The following PTPRN2 variants were observed in gnomAD, a reference collection of about 807,000 sequenced individuals.
PTPRN2 encodes protein tyrosine phosphatase receptor type N2, also known as receptor-type tyrosine-protein phosphatase N2.
A neutral mutation model predicts 118.8 loss-of-function variants in PTPRN2; 74 were observed. The observed-to-expected ratio is 0.62, with a 90% CI of 0.52 to 0.76. PTPRN2 has a LOEUF of 0.76. Ranked by LOEUF, PTPRN2 falls within the 30% of genes least tolerant of loss-of-function variation. The probability of loss-of-function intolerance (pLI) is 0.00; values close to 1 mark genes in which losing one functional copy is unlikely to be tolerated. For missense variants in PTPRN2, 1,481 were observed against 1,394.4 expected (o/e 1.06, Z -0.99); for synonymous variants, 641 against 608.0 (o/e 1.05, Z -0.80).
chr7:158,172,552 C>A (rs1366746371), intron 5 of PTPRN2, among the ~76,000 whole-genome samples: 1 of 149,386 alleles, frequency 6.7e-6, no homozygotes, highest in Non-Finnish European at 1.5e-5. Flanking sequence ...AACAGCATCT[C>A]CACTATCTCC....
chr7:158,478,104 C>T (rs903200883), intron 2 of PTPRN2, among the ~76,000 whole-genome samples: 4 of 152,216 alleles, frequency 2.6e-5, no homozygotes, highest in East Asian at 3.9e-4. Context: ...CACCACGGAG[C>T]GTGGGACAGG....
rs116101484 is a variant in PTPRN2, at chr7:158,302,505, C to T, written c.277+14314G>A. Among the ~76,000 whole-genome samples the T allele has an allele frequency of 7.7e-3, 1,177 of 152,340 alleles. 23 individuals are homozygous for T. Among genetic ancestry groups the T allele is most frequent in the African/African-American group, 0.026 (1,091 of 41,580 alleles). On this transcript the variant is annotated intron_variant, in intron 3 of 22. Transcript: ENST00000389418. The stretch of plus-strand genomic sequence containing the variant: ...CCCAATTCAGCTTCCCTCACCTGTA[C>T]GGGGGTTACCCCAGATCACCCCCAG...
chr7:157,707,241 C>G (rs1798379528), intron 12 of PTPRN2, among the ~76,000 whole-genome samples: 1 of 151,800 alleles, frequency 6.6e-6, no homozygotes, highest in Non-Finnish European at 1.5e-5. Flanking sequence ...CTCGCACACA[C>G]ATACACAGAA....
Position 157,578,038 on chromosome 7 carries a change from G to C in PTPRN2, c.2599C>G (p.Leu867Val). The change falls in exon 18 of 23, where the codon CTC becomes GTC. Residue 867 changes from leucine to valine, a missense_variant. Leu to Val is a conservative substitution (Grantham distance 32). Coordinates refer to ENST00000389418, the MANE Select transcript of PTPRN2 (RefSeq NM_002847.5). ...CGGAGTACCTCATAGATGTGGTAGA[G>C]ATTGGAGCCTTCATCCGGCCAGTAG... ...YHYWPDEGSN[L>V]YHIYEVNLVS... The C allele has an allele frequency of 6.2e-7, 1 of 1,612,764 alleles. No homozygotes were observed. The highest frequency in any genetic ancestry group is 8.5e-7 in the Non-Finnish European group (1 of 1,179,096).
rs1008494708 is a variant in PTPRN2, at chr7:157,953,137, C to T, written c.1724-54400G>A. Among the ~76,000 whole-genome samples the T allele has an allele frequency of 9.9e-5, 15 of 152,184 alleles. No individual in the cohort carries two copies. The highest frequency in any genetic ancestry group is 1.9e-4 in the African/African-American group (8 of 41,446). ...GCCCTCTGGCTCGAGAAGTCCTCAG[C>T]GACATCTGGGGGTCCTGTGCATGCA... On this transcript the variant is annotated intron_variant, in intron 11 of 22. Coordinates refer to ENST00000389418, the MANE Select transcript of PTPRN2 (RefSeq NM_002847.5). The surrounding 1 kb of genome is among the most constrained non-coding windows in gnomAD (Gnocchi z 4.6).
At chr7:157,588,027 C>G (rs539949120) in intron 17 of PTPRN2, among the ~76,000 whole-genome samples, 1 of 151,800 alleles carries the variant, frequency 6.6e-6, no homozygotes, top group Non-Finnish European at 1.5e-5. Flanking sequence ...TGTCCCCGTG[C>G]CTGGGCTCCC....
chr7:158,222,154 G>A (rs1243996840), intron 3 of PTPRN2, among the ~76,000 whole-genome samples: 1 of 152,194 alleles, frequency 6.6e-6, no homozygotes, highest in Non-Finnish European at 1.5e-5. Context: ...AGCTGGTGTA[G>A]AAAGCAGTTT....
chr7:158,529,271 T>C lies in PTPRN2; in HGVS notation c.113-39486A>G, dbSNP rs1477978053. Among the ~76,000 whole-genome samples, 1 of 152,246 alleles carries C rather than the reference T, an allele frequency of 6.6e-6. No homozygotes were observed. ...AGCTGCGTGCATATTTACTTCTGAA[T>C]ATTTTCACATTTTAAAATCATCTCC... On this transcript the variant is annotated intron_variant, in intron 1 of 22. Coordinates refer to ENST00000389418, the MANE Select transcript of PTPRN2 (RefSeq NM_002847.5). This position sits in a 1 kb window ranked among gnomAD's most constrained non-coding sequence, Gnocchi z 4.7.
chr7:157,566,883 C>T (rs554176959), intron 21 of PTPRN2, among the ~76,000 whole-genome samples: 47 of 152,346 alleles, frequency 3.1e-4, no homozygotes, highest in African/African-American at 1.1e-3. Flanking sequence ...CACCTGCGTC[C>T]GGCCGCCTGC....
intron 3 of PTPRN2, among the ~76,000 whole-genome samples, chr7:158,306,686 G>A (rs572660343): frequency 3.4e-4 from 51 of 152,194 alleles, no homozygotes; most frequent in Admixed American, 3.3e-3. Flanking sequence ...GGAAATTCTG[G>A]TTTTCAAAGT....
chr7:158,478,484 C>T (rs1475214069), intron 2 of PTPRN2, among the ~76,000 whole-genome samples: 2 of 152,150 alleles, frequency 1.3e-5, no homozygotes, highest in East Asian at 1.9e-4. Flanking sequence ...CTCTGCGTCT[C>T]AAAGAACGGG....
intron 11 of PTPRN2, among the ~76,000 whole-genome samples, chr7:157,945,594 T>G (rs746321142): frequency 3.3e-5 from 5 of 151,294 alleles, no homozygotes; most frequent in African/African-American, 1.2e-4. Context: ...TTGGACAATG[T>G]CGCCTCCACC....
chr7:158,079,683 A>T (rs1812646115), intron 11 of PTPRN2, among the ~76,000 whole-genome samples: 1 of 152,216 alleles, frequency 6.6e-6, no homozygotes, highest in Admixed American at 6.5e-5. Context: ...TATCTCCAAT[A>T]ATCACTTCTG....
chr7:158,151,519 G>GCCTTTCTATTCCTGCCTCTCCCTGCC (rs1563522339), intron 6 of PTPRN2, among the ~76,000 whole-genome samples: 2 of 12,866 alleles, frequency 1.6e-4, no homozygotes, highest in African/African-American at 5.0e-4. Context: ...GCTCCTCACC[G>GCCTTTCTATTCCTGCCTCTCCCTGCC]CACGTCCTAC....
chr7:157,571,240 T>TATACAGAC (rs1799743732), intron 20 of PTPRN2, among the ~76,000 whole-genome samples, 200 bp downstream of exon 20: 1 of 151,354 alleles, frequency 6.6e-6, no homozygotes, highest in Non-Finnish European at 1.5e-5. Flanking sequence ...ATGTGCAGTT[T>TATACAGAC]ATACAGACAT....
chr7:158,441,777 T>C (rs1234184896), intron 2 of PTPRN2, among the ~76,000 whole-genome samples: 5 of 45,738 alleles, frequency 1.1e-4, no homozygotes, highest in South Asian at 6.6e-4. Flanking sequence ...ATGGCAGTGG[T>C]GGTGATGGTG....
chr7:157,856,874 C>G (rs940364024), intron 12 of PTPRN2, among the ~76,000 whole-genome samples: 2 of 152,148 alleles, frequency 1.3e-5, no homozygotes, highest in African/African-American at 4.8e-5. Context: ...TGAGTGTACA[C>G]CAAGAAAGGT....
In PTPRN2 at chr7:158,274,911, A is replaced by G. The variant is rs144493531; in HGVS notation, c.277+41908T>C. 1.1e-3 allele frequency among the ~76,000 whole-genome samples: 167 copies of G among 152,320 alleles called. 1 individual carries two copies. The highest frequency in any genetic ancestry group is 1.9e-3 in the Non-Finnish European group (130 of 68,020). ...CAAAGAAGAGACTTCATCAGGGATA[A>G]GATCTCGACAAAGACCATCTCCTGG... is the stretch of plus-strand genomic sequence containing the variant. On this transcript the variant is annotated intron_variant, in intron 3 of 22. Transcript: ENST00000389418.
At chr7:158,297,279 C>T (rs1490963235) in intron 3 of PTPRN2, among the ~76,000 whole-genome samples, 8 of 152,218 alleles carry the variant, frequency 5.3e-5, no homozygotes, top group African/African-American at 1.4e-4. Flanking sequence ...GGCTTTCAGC[C>T]GTTCTGTCCT....
Sources: allele counts gnomAD v4.1 joint callset (sites outside exome capture counted in the v4.1 genomes callset), GRCh38; gene constraint gnomAD v4.1.1; non-coding constraint Gnocchi (gnomAD v3.1); transcripts MANE v1.5; gene names NCBI Gene and HGNC (gene_info 2026-07-23, HGNC 2026-07-21).